Variants in CHAT observed in about 807,000 individuals in gnomAD.
CHAT encodes choline O-acetyltransferase.
CHAT carries 61 observed loss-of-function variants against 76.9 expected under a neutral mutation model. The observed-to-expected ratio is 0.79, with a 90% CI of 0.65 to 0.98. The LOEUF (loss-of-function observed/expected upper bound fraction) is 0.98, where lower values mean the gene tolerates loss of function less well. Ranked by LOEUF, CHAT falls within the 50% of genes least tolerant of loss-of-function variation. The probability of loss-of-function intolerance (pLI) is 0.00; values close to 1 mark genes in which losing one functional copy is unlikely to be tolerated. For missense variants in CHAT, 946 were observed against 986.9 expected (o/e 0.96, Z 0.56); for synonymous variants, 407 against 397.4 (o/e 1.02, Z -0.29).
In CHAT at chr10:49,656,242, C is replaced by T. The variant is rs116008464; in HGVS notation, c.1839+794C>T. Among the ~76,000 whole-genome samples the T allele has an allele frequency of 2.3e-3, 324 of 143,122 alleles. 4 individuals carry two copies. The highest frequency in any genetic ancestry group is 7.8e-3 in the African/African-American group (295 of 37,588). 93.9% of individuals were successfully genotyped at this position (143,122 alleles called of 152,430 possible). On this transcript the variant is annotated intron_variant, in intron 13 of 14. Transcript: ENST00000337653. ...TCATCTAAATACTTCAGTGTTTGTT[C>T]TATTTGGGGAAAACATAGCACCCAC...
chr10:49,618,319 T>G (rs1008749544), intron 2 of CHAT, among the ~76,000 whole-genome samples: 1 of 152,216 alleles, frequency 6.6e-6, no homozygotes, highest in South Asian at 2.1e-4. Context: ...TCATCTTAGA[T>G]CTATCCTTTA....
intron 7 of CHAT, among the ~76,000 whole-genome samples, chr10:49,632,692 C>T (rs1412212230): frequency 6.6e-6 from 1 of 152,172 alleles, no homozygotes; most frequent in Admixed American, 6.5e-5. Context: ...TCCACCCCGA[C>T]CCTCCATTTT....
At position 49,646,656 on chromosome 10, in the gene CHAT, G is replaced by A; in HGVS notation, c.1263G>A (p.Trp421Ter). Residue 421 changes from tryptophan to a stop codon, truncating the protein, a stop_gained, in exon 8 of 15, where the codon TGG becomes TGA. Transcript: ENST00000337653. LOFTEE classifies it high-confidence loss of function. The stretch of plus-strand genomic sequence containing the variant: ...ACAGCAAGAACGGGGCCAATCGCTG[G>A]TACGACAAGTCCCTGCAGGTAAGCC... ...GGYSKNGANR[W>*]YDKSLQFVVG... 6.2e-6 allele frequency: 10 copies of A among 1,613,874 alleles called. No homozygotes were observed. Among genetic ancestry groups the A allele is most frequent in the Non-Finnish European group, 7.6e-6 (9 of 1,180,028 alleles).
rs989459203 is a variant in CHAT, at chr10:49,653,212, C to G, written c.1634+1206C>G. 2.0e-4 allele frequency among the ~76,000 whole-genome samples: 31 copies of G among 152,128 alleles called. 1 individual carries two copies. In the East Asian group the frequency reaches 2.1e-3, roughly 10 times the overall value. On this transcript the variant is annotated intron_variant, in intron 11 of 14. Transcript: ENST00000337653. The stretch of plus-strand genomic sequence containing the variant: ...GTCCGGCCAGGTCTGGGATTTAGAC[C>G]TGGTGGCCCAGGTAGCTGTGTGTCG...
chr10:49,637,136 G>A (rs1839322139), intron 7 of CHAT, among the ~76,000 whole-genome samples: 1 of 148,568 alleles, frequency 6.7e-6, no homozygotes, highest in Non-Finnish European at 1.5e-5. Context: ...CAACTGTATT[G>A]ATTTCTGCTC....
chr10:49,644,698 C>T (rs1181008502), intron 7 of CHAT, among the ~76,000 whole-genome samples: 1 of 152,170 alleles, frequency 6.6e-6, no homozygotes, highest in Non-Finnish European at 1.5e-5. Flanking sequence ...TCTCCTTCCC[C>T]AGGATTTGCA....
intron 14 of CHAT, among the ~76,000 whole-genome samples, chr10:49,663,654 T>G (rs1302751398): frequency 6.6e-6 from 1 of 152,138 alleles, no homozygotes; most frequent in African/African-American, 2.4e-5. Flanking sequence ...GGAGGGGAAA[T>G]GCCCCACAGC....
At chr10:49,643,122 C>A (rs966395042) in intron 7 of CHAT, among the ~76,000 whole-genome samples, 2 of 152,224 alleles carry the variant, frequency 1.3e-5, no homozygotes, top group African/African-American at 4.8e-5. Flanking sequence ...TTTCTCTGGT[C>A]CTGACCTGTA....
intron 7 of CHAT, among the ~76,000 whole-genome samples, chr10:49,639,912 T>C (rs1385281467): frequency 6.6e-6 from 1 of 152,172 alleles, no homozygotes; most frequent in Non-Finnish European, 1.5e-5. Context: ...TAATCAGTGT[T>C]ATTCCGTCTT....
At chr10:49,654,811 C>T (rs1480724647) in intron 11 of CHAT, among the ~76,000 whole-genome samples, 1 of 73,272 alleles carries the variant, frequency 1.4e-5, no homozygotes, top group Non-Finnish European at 3.5e-5. Context: ...CTAGGTTTCC[C>T]ACCAGGTTGG....
At position 49,655,106 on chromosome 10, in the gene CHAT, G is replaced by T. The variant is rs756056022; in HGVS notation, c.1646G>T (p.Arg549Ile). Residue 549 changes from arginine to isoleucine, a missense_variant, in exon 12 of 15, where the codon AGA (arginine) becomes ATA (isoleucine). This residue lies in a region of CHAT where 349 missense variants were observed against 393.9 expected (regional missense o/e 0.89). Coordinates refer to ENST00000337653, the MANE Select transcript of CHAT (RefSeq NM_020549.5). Reference sequence around the variant, plus strand: ...TTCATCCCACGCAGGCTCCATCGAAGACTGGTGCCCACCTACGAGAGCGCG... The same window carrying T: ...TTCATCCCACGCAGGCTCCATCGAATACTGGTGCCCACCTACGAGAGCGCG... ...LQLAFYRLHRRLVPTYESASI... is the reference protein window; with the variant it reads ...LQLAFYRLHRILVPTYESASI... 1.2e-6 allele frequency: 2 copies of T among 1,614,036 alleles called. No individual in the cohort carries two copies. Among genetic ancestry groups the T allele is most frequent in the South Asian group, 2.2e-5 (2 of 91,068 alleles).
chr10:49,664,451 C>G (rs888580372), intron 14 of CHAT, among the ~76,000 whole-genome samples: 5 of 152,140 alleles, frequency 3.3e-5, no homozygotes, highest in African/African-American at 1.2e-4. Context: ...AGTAAATTAC[C>G]TGATTGCCTC....
chr10:49,657,046 G>T (rs1840057812), intron 13 of CHAT, among the ~76,000 whole-genome samples: 2 of 152,228 alleles, frequency 1.3e-5, no homozygotes, highest in Admixed American at 1.3e-4. Context: ...ACATGTTAGA[G>T]CTGGAAAGTA....
At chr10:49,646,328 T>G (rs1839660321) in intron 7 of CHAT, among the ~76,000 whole-genome samples, 177 bp from the exon 8 acceptor site, 1 of 152,228 alleles carries the variant, frequency 6.6e-6, no homozygotes, top group African/African-American at 2.4e-5. Flanking sequence ...CAGGACACTC[T>G]GGCTGACTTC....
At chr10:49,651,780 C>T in intron 10 of CHAT, 104 bp from the exon 11 acceptor site, 2 of 1,234,386 alleles carry the variant, frequency 1.6e-6, no homozygotes, top group Non-Finnish European at 2.3e-6. Context: ...CCGCACCTTC[C>T]AGAACGCTAG....
chr10:49,620,673 C>T lies in CHAT; in HGVS notation c.698+60C>T, dbSNP rs41306828. The stretch of plus-strand genomic sequence containing the variant: ...GACCCACCCAAGGCAGGGGCCCTTA[C>T]CCCAGTGCCAGCAAAGAAAGGCCAA... On this transcript the variant is annotated intron_variant, in intron 4 of 14. Coordinates refer to ENST00000337653, the MANE Select transcript of CHAT (RefSeq NM_020549.5). 0.014 allele frequency: 18,168 copies of T among 1,341,248 alleles called. 157 individuals carry two copies. The highest frequency in any genetic ancestry group is 0.016 in the Non-Finnish European group (15,191 of 934,482). The allele number at this position is 1,341,248 out of a possible 1,614,324, so 83.1% of individuals were successfully genotyped here.
At chr10:49,635,031 A>G (rs1839250695) in intron 7 of CHAT, among the ~76,000 whole-genome samples, 1 of 152,166 alleles carries the variant, frequency 6.6e-6, no homozygotes, top group Non-Finnish European at 1.5e-5. Flanking sequence ...CAGTCAAGAT[A>G]CGGAACATTC....
In CHAT at chr10:49,664,813, C is replaced by T; in HGVS notation, c.2014C>T (p.Pro672Ser). ...CACGGAGATGTTCTGCTGCTATGGT[C>T]CTGTGGTCCCAAATGGGTATGGTGC... ...TTTEMFCCYG[P>S]VVPNGYGACY... The change falls in exon 15 of 15, where the codon CCT becomes TCT. Residue 672 changes from proline (P) to serine (S), a missense_variant. Pro to Ser is a moderately conservative substitution (Grantham distance 74). Coordinates refer to ENST00000337653, the MANE Select transcript of CHAT (RefSeq NM_020549.5). The T allele has an allele frequency of 1.9e-6, 3 of 1,614,228 alleles. No homozygotes were observed. The highest frequency in any genetic ancestry group is 2.5e-6 in the Non-Finnish European group (3 of 1,180,046).
chr10:49,611,725 A>G (rs1361179784), upstream of CHAT: 2 of 1,606,628 alleles, frequency 1.2e-6, no homozygotes, highest in South Asian at 2.2e-5. Context: ...GGAGATGGGC[A>G]TGGCCTGGCT....
Sources: gnomAD v4.1 joint callset for allele counts (sites outside exome capture counted in the v4.1 genomes callset) on GRCh38, gnomAD v4.1.1 for gene constraint, gnomAD v4.1.1 regional missense constraint, MANE v1.5 for transcripts, NCBI Gene and HGNC (gene_info 2026-07-23, HGNC 2026-07-21) for gene names.